Variants in GPR158 observed in about 807,000 individuals in gnomAD.
The protein encoded by GPR158 is metabotropic glycine receptor.
Under a neutral mutation model 78.2 loss-of-function variants are expected in GPR158, and 30 were observed. The ratio of observed to expected loss-of-function variants is 0.38; its 90% CI spans 0.29 to 0.52. The LOEUF (loss-of-function observed/expected upper bound fraction) is 0.52, where lower values mean the gene tolerates loss of function less well. GPR158 is among the 20% of genes least tolerant of loss of function. GPR158 has a pLI of 0.83. For missense variants in GPR158, 1,463 were observed against 1,523.5 expected, an observed-to-expected ratio of 0.96 and a Z score of 0.66; for synonymous variants, 581 against 591.1, an observed-to-expected ratio of 0.98 and a Z score of 0.25.
intron 2 of GPR158, among the ~76,000 whole-genome samples, chr10:25,257,493 A>G (rs924749965): frequency 4.6e-5 from 7 of 152,240 alleles, no homozygotes; most frequent in Non-Finnish European, 1.0e-4. Flanking sequence ...AGAGAAGGAA[A>G]GTAATAATTC....
At chr10:25,588,548 A>C (rs1837300317) in intron 7 of GPR158, among the ~76,000 whole-genome samples, 1 of 152,208 alleles carries the variant, frequency 6.6e-6, no homozygotes, top group South Asian at 2.1e-4. Flanking sequence ...TGTTATCTTT[A>C]CTTATTGTAC....
intron 2 of GPR158, among the ~76,000 whole-genome samples, chr10:25,289,931 C>A (rs927525829): frequency 1.3e-5 from 2 of 152,094 alleles, no homozygotes; most frequent in East Asian, 3.9e-4. Flanking sequence ...AATGACAAAT[C>A]AAGACTGTAA....
At chr10:25,388,118 T>G (rs1228584125) in intron 2 of GPR158, among the ~76,000 whole-genome samples, 3 of 152,252 alleles carry the variant, frequency 2.0e-5, no homozygotes, top group Non-Finnish European at 4.4e-5. Flanking sequence ...TCTTAAGAGC[T>G]GTCTTTTGTA....
chr10:25,368,230 G>T (rs1035874955), intron 2 of GPR158, among the ~76,000 whole-genome samples: 2 of 151,788 alleles, frequency 1.3e-5, no homozygotes, highest in African/African-American at 2.4e-5. Flanking sequence ...TAAACTACTG[G>T]TATTTTAATC....
At chr10:25,300,295 C>T (rs1281818445) in intron 2 of GPR158, among the ~76,000 whole-genome samples, 3 of 152,180 alleles carry the variant, frequency 2.0e-5, no homozygotes, top group Non-Finnish European at 1.5e-5. Context: ...TCCCTTCTTC[C>T]AGCTTCAAAG....
intron 2 of GPR158, among the ~76,000 whole-genome samples, chr10:25,357,644 T>C (rs769853279): frequency 6.6e-6 from 1 of 152,084 alleles, no homozygotes; most frequent in Non-Finnish European, 1.5e-5. Context: ...AATTCAAGAA[T>C]TGAGGTTTGG....
At chr10:25,503,288 G>C (rs1051717485) in intron 5 of GPR158, among the ~76,000 whole-genome samples, 2 of 151,992 alleles carry the variant, frequency 1.3e-5, no homozygotes, top group African/African-American at 4.8e-5. Context: ...GAGCTGGGAA[G>C]ATTGCTTGAG....
At chr10:25,428,219 A>T (rs1834850137) in intron 4 of GPR158, among the ~76,000 whole-genome samples, 1 of 152,084 alleles carries the variant, frequency 6.6e-6, no homozygotes, top group South Asian at 2.1e-4. Context: ...TATTGCTTAT[A>T]TTAAAAATCA....
chr10:25,425,140 A>G (rs1834802418), intron 4 of GPR158, among the ~76,000 whole-genome samples: 1 of 151,480 alleles, frequency 6.6e-6, no homozygotes, highest in Admixed American at 6.6e-5. Context: ...TATTCTCTTC[A>G]ATTGTGAATG....
At chr10:25,258,308 A>G (rs986382805) in intron 2 of GPR158, among the ~76,000 whole-genome samples, 1 of 152,192 alleles carries the variant, frequency 6.6e-6, no homozygotes, top group African/African-American at 2.4e-5. Context: ...ACTTAACTAC[A>G]TTGTAGGCAC....
chr10:25,288,683 C>A (rs1854387164), intron 2 of GPR158, among the ~76,000 whole-genome samples: 1 of 152,332 alleles, frequency 6.6e-6, no homozygotes, highest in Non-Finnish European at 1.5e-5. Context: ...TATCCATCTT[C>A]ATTCAGGCAG....
chr10:25,485,184 G>GA (rs1835718446), intron 5 of GPR158, among the ~76,000 whole-genome samples: 2 of 151,520 alleles, frequency 1.3e-5, no homozygotes, highest in South Asian at 4.2e-4. Flanking sequence ...AAAGATATTG[G>GA]AAAAAATTGT....
chr10:25,341,719 A>T (rs1855305264), intron 2 of GPR158, among the ~76,000 whole-genome samples: 1 of 151,710 alleles, frequency 6.6e-6, no homozygotes, highest in Admixed American at 6.6e-5. Flanking sequence ...ATTTTTTAGT[A>T]TTTTTTACAC....
At chr10:25,183,978 C>T (rs7090132) in intron 1 of GPR158, among the ~76,000 whole-genome samples, 4,988 of 152,190 alleles carry the variant, frequency 0.033, 298 homozygotes, top group African/African-American at 0.11. Flanking sequence ...CATATTCAGT[C>T]GGCATTTCTT....
intron 5 of GPR158, among the ~76,000 whole-genome samples, chr10:25,509,523 A>G (rs978472046): frequency 6.6e-6 from 1 of 152,106 alleles, no homozygotes; most frequent in African/African-American, 2.4e-5. Flanking sequence ...TTTCTCACTA[A>G]GACATTTACT....
chr10:25,310,205 C>G (rs1023506089), intron 2 of GPR158, among the ~76,000 whole-genome samples: 2 of 152,126 alleles, frequency 1.3e-5, no homozygotes, highest in Non-Finnish European at 2.9e-5. Flanking sequence ...AATCATTTGA[C>G]CATATACGTA....
chr10:25,472,836 AG>A (rs1310418670), intron 5 of GPR158, among the ~76,000 whole-genome samples: 2 of 152,202 alleles, frequency 1.3e-5, no homozygotes, highest in African/African-American at 4.8e-5. Context: ...GTTGCTTATC[AG>A]CTTACGGAGA....
At chr10:25,550,230 G>A (rs1315931595) in intron 5 of GPR158, among the ~76,000 whole-genome samples, 1 of 152,108 alleles carries the variant, frequency 6.6e-6, no homozygotes. Flanking sequence ...CTATTTCCAT[G>A]TCTCTTTTCC....
intron 2 of GPR158, among the ~76,000 whole-genome samples, chr10:25,265,325 C>G (rs1023458604): frequency 6.6e-6 from 1 of 152,114 alleles, no homozygotes; most frequent in African/African-American, 2.4e-5. Flanking sequence ...TCTTCTCTTG[C>G]TGCAATAAGC....
Sources: gnomAD v4.1 joint callset for allele counts (sites outside exome capture counted in the v4.1 genomes callset) on GRCh38, gnomAD v4.1.1 for gene constraint, MANE v1.5 for transcripts, NCBI Gene and HGNC (gene_info 2026-07-23, HGNC 2026-07-21) for gene names.